WTAP: variants seen among roughly 807,000 people sequenced by gnomAD.
WTAP encodes the protein WT1 associated protein, also known as pre-mRNA-splicing regulator WTAP.
WTAP carries 8 observed loss-of-function variants against 50.0 expected under a neutral mutation model. That is an observed-to-expected ratio of 0.16 (90% CI 0.09 to 0.29). WTAP has a LOEUF of 0.29. Ranked by LOEUF, WTAP falls within the 10% of genes least tolerant of loss-of-function variation. WTAP has a pLI of 1.00. For synonymous variants in WTAP, 194 were observed against 169.0 expected (o/e 1.15, Z -1.15); for missense variants, 295 against 470.7 (o/e 0.63, Z 3.45).
chr6:159,739,997 T>G (rs375612521), intron 3 of WTAP, among the ~76,000 whole-genome samples: 33 of 151,084 alleles, frequency 2.2e-4, no homozygotes, highest in South Asian at 4.2e-4. Context: ...CAATGCTGGG[T>G]TTTTTTTTGT....
At chr6:159,728,292 A>G (rs988917247) in intron 1 of WTAP, among the ~76,000 whole-genome samples, 6 of 152,128 alleles carry the variant, frequency 3.9e-5, no homozygotes, top group Admixed American at 3.9e-4. Flanking sequence ...CGTTTTTCAT[A>G]AGTCTGTGTA....
intron 1 of WTAP, among the ~76,000 whole-genome samples, chr6:159,734,496 G>A (rs914381161): frequency 3.2e-4 from 48 of 152,130 alleles, no homozygotes; most frequent in Admixed American, 5.2e-4. Context: ...AGTAAGGGAA[G>A]ATTCATGAGT....
chr6:159,745,096 A>G (rs1779495825), intron 5 of WTAP: 1 of 152,246 alleles, frequency 6.6e-6, no homozygotes, highest in African/African-American at 2.4e-5. Flanking sequence ...GAATGTTTTA[A>G]CAAATTTCCC....
chr6:159,728,415 AAAAAC>A (rs1306079615), intron 1 of WTAP, among the ~76,000 whole-genome samples: 22 of 139,016 alleles, frequency 1.6e-4, no homozygotes, highest in African/African-American at 3.6e-4. Context: ...ATTATGTAAA[AAAAAC>A]AAAACAAAAC....
intron 1 of WTAP, among the ~76,000 whole-genome samples, chr6:159,728,100 A>C (rs1276645512): frequency 6.6e-6 from 1 of 152,248 alleles, no homozygotes; most frequent in Admixed American, 6.5e-5. Context: ...CAAGGAAAAA[A>C]AGAAACATTC....
chr6:159,744,705 C>CT (rs1779465896), intron 5 of WTAP, among the ~76,000 whole-genome samples: 1 of 152,100 alleles, frequency 6.6e-6, no homozygotes, highest in Non-Finnish European at 1.5e-5. Flanking sequence ...ATTTTCTTTA[C>CT]TTTTTTTTCC....
chr6:159,736,341 T>G (rs749585936), intron 2 of WTAP, 46 bp downstream of exon 2: 15 of 1,486,822 alleles, frequency 1.0e-5, no homozygotes, highest in Middle Eastern at 1.7e-4. Flanking sequence ...TTGGGTTTTT[T>G]GGGGGCTTTT....
chr6:159,751,887 C>T (rs1779833040), intron 6 of WTAP, among the ~76,000 whole-genome samples: 1 of 151,994 alleles, frequency 6.6e-6, no homozygotes, highest in African/African-American at 2.4e-5. Context: ...CAAGGCGAAA[C>T]CCCATCTCTA....
At chr6:159,753,828 C>T (rs968966881) in intron 7 of WTAP, among the ~76,000 whole-genome samples, 9 of 152,080 alleles carry the variant, frequency 5.9e-5, no homozygotes, top group Admixed American at 5.2e-4. Flanking sequence ...CTTTATTGTT[C>T]AAAATTTCTT....
intron 1 of WTAP, among the ~76,000 whole-genome samples, chr6:159,735,518 A>T (rs1277525986): frequency 2.6e-5 from 4 of 152,172 alleles, no homozygotes; most frequent in Non-Finnish European, 5.9e-5. Flanking sequence ...TGGGAGGCCA[A>T]GGCGGACGGG....
intron 3 of WTAP, among the ~76,000 whole-genome samples, 193 bp downstream of exon 3, chr6:159,739,238 A>G (rs533034068): frequency 6.6e-6 from 1 of 152,222 alleles, no homozygotes; most frequent in Non-Finnish European, 1.5e-5. Flanking sequence ...TTAAAGAACT[A>G]CTAGGAAGCT....
chr6:159,730,200 C>T (rs1315261752), intron 1 of WTAP, among the ~76,000 whole-genome samples: 11 of 152,260 alleles, frequency 7.2e-5, no homozygotes, highest in Admixed American at 1.3e-4. Context: ...CATTTTCATC[C>T]TGGAAAATGG....
chr6:159,733,857 G>A (rs532852176), intron 1 of WTAP, among the ~76,000 whole-genome samples: 1 of 152,150 alleles, frequency 6.6e-6, no homozygotes, highest in South Asian at 2.1e-4. Context: ...CGGAGGTTGC[G>A]GTGAGCCGAG....
chr6:159,739,590 A>G (rs1779120554), intron 3 of WTAP, among the ~76,000 whole-genome samples: 1 of 152,224 alleles, frequency 6.6e-6, no homozygotes, highest in South Asian at 2.1e-4. Context: ...ATCAGGAAGT[A>G]GGATGTTCTG....
chr6:159,739,237 T>C (rs577540501), intron 3 of WTAP, among the ~76,000 whole-genome samples, 192 bp downstream of exon 3: 4 of 152,344 alleles, frequency 2.6e-5, no homozygotes, highest in Admixed American at 2.6e-4. Flanking sequence ...TTTAAAGAAC[T>C]ACTAGGAAGC....
chr6:159,726,795 C>A (rs1778189505), upstream of WTAP: 16 of 1,289,216 alleles, frequency 1.2e-5, no homozygotes, highest in Non-Finnish European at 1.6e-5. Flanking sequence ...GGCCAGGAGA[C>A]TGCGCCTCAC....
In WTAP at chr6:159,736,241, G is replaced by A. The variant is rs572844538; in HGVS notation, c.-8-17G>A. 24 of 1,577,598 alleles carry A rather than the reference G, an allele frequency of 1.5e-5. No homozygotes were observed. Among genetic ancestry groups the A allele is most frequent in the East Asian group, 6.8e-5 (3 of 44,358 alleles). On this transcript the variant is annotated splice_polypyrimidine_tract_variant and intron_variant, in intron 1 of 7. Coordinates refer to ENST00000621533, the MANE Select transcript of WTAP (RefSeq NM_001270531.2). ...AGAAAATAAATTGAACTTGTTTTCC[G>A]CAACTTTTTTTTTTAGGATTCAAGA...
intron 5 of WTAP, among the ~76,000 whole-genome samples, chr6:159,744,829 G>A (rs564484341): frequency 2.0e-5 from 3 of 152,166 alleles, no homozygotes; most frequent in Admixed American, 1.3e-4. Context: ...TCAGGTGTGC[G>A]CCACCAAGCG....
intron 1 of WTAP, among the ~76,000 whole-genome samples, chr6:159,730,537 A>C (rs1481617161): frequency 1.3e-5 from 2 of 152,232 alleles, no homozygotes; most frequent in Admixed American, 6.5e-5. Flanking sequence ...TTTTGACCAA[A>C]TAGTTGAATG....
Sources: allele counts gnomAD v4.1 joint callset (sites outside exome capture counted in the v4.1 genomes callset), GRCh38; gene constraint gnomAD v4.1.1; transcripts MANE v1.5; gene names NCBI Gene and HGNC (gene_info 2026-07-23, HGNC 2026-07-21).